The following RPL3 variants were observed in gnomAD, a reference collection of about 807,000 sequenced individuals.
The protein encoded by RPL3 is large ribosomal subunit protein uL3.
RPL3 carries 3 observed loss-of-function variants against 46.0 expected under a neutral mutation model. That is an observed-to-expected ratio of 0.07 (90% CI 0.03 to 0.17). The LOEUF (loss-of-function observed/expected upper bound fraction) is 0.17. RPL3 is among the 10% of genes least tolerant of loss of function. The probability of loss-of-function intolerance (pLI) is 1.00; values close to 1 mark genes in which losing one functional copy is unlikely to be tolerated. For missense variants in RPL3, 387 were observed against 532.7 expected, an observed-to-expected ratio of 0.73 and a Z score of 2.69; for synonymous variants, 224 against 190.8, an observed-to-expected ratio of 1.17 and a Z score of -1.43.
At position 39,318,609 on chromosome 22, in the gene RPL3, T is replaced by C; in HGVS notation, c.4-17A>G. On this transcript the variant is annotated splice_polypyrimidine_tract_variant and intron_variant, in intron 1 of 9. Coordinates refer to ENST00000216146, the MANE Select transcript of RPL3 (RefSeq NM_000967.4). ...TCTGTGAGACTAGGTGGGAAAAAAA[T>C]CACCGTCAGCACCCAAACCAAAGCA... 6.3e-7 allele frequency: 1 copy of C among 1,591,810 alleles called. No individual in the cohort carries two copies. The highest frequency in any genetic ancestry group is 8.6e-7 in the Non-Finnish European group (1 of 1,169,058).
rs1922629054 is a variant in RPL3 at position 39,315,491 on chromosome 22, G to A, written c.566C>T (p.Thr189Ile). ...HLMEIQVNGG[T>I]VAEKLDWARE... ...GGCCCAGTCCAGCTTCTCGGCCACA[G>A]TGCCTCCGTTCACCTGGATCTCCAT... Residue 189 changes from threonine (T) to isoleucine (I), a missense_variant, in exon 5 of 10, where the codon ACT becomes ATT. By Grantham distance (89) the Thr-to-Ile change is moderately conservative (BLOSUM62 -1). Coordinates refer to ENST00000216146, the MANE Select transcript of RPL3 (RefSeq NM_000967.4). The A allele has an allele frequency of 6.2e-7, 1 of 1,614,006 alleles. No individual in the cohort carries two copies. Among genetic ancestry groups the A allele is most frequent in the South Asian group, 1.1e-5 (1 of 91,086 alleles).
chr22:39,315,692 A>G (rs1383369638), intron 4 of RPL3, 137 bp from the exon 5 acceptor site: 6 of 985,154 alleles, frequency 6.1e-6, no homozygotes, highest in Non-Finnish European at 8.9e-6. Context: ...ACTGAACCTC[A>G]CCAAGAGGAA....
Position 39,314,913 on chromosome 22 carries a change from A to G in RPL3, c.689-67T>C. On this transcript the variant is annotated intron_variant, in intron 5 of 9. Coordinates refer to ENST00000216146, the MANE Select transcript of RPL3 (RefSeq NM_000967.4). ...TCCCACTGACCCCTTCCTGCTACTC[A>G]GCAATTACCAACCATGGCTGGGTCA... 1.9e-6 allele frequency: 3 copies of G among 1,574,172 alleles called. No homozygotes were observed. In the South Asian group the frequency reaches 3.4e-5, roughly 18 times the overall value.
intron 6 of RPL3, 92 bp from the exon 7 acceptor site, chr22:39,314,300 A>G (rs965932235): frequency 9.1e-5 from 99 of 1,091,338 alleles, no homozygotes; most frequent in Non-Finnish European, 1.3e-4. Flanking sequence ...GCTAGAAGGC[A>G]GCTGAGGCCT....
At chr22:39,313,836 G>A (rs1165503469) in intron 7 of RPL3, 107 bp from the exon 8 acceptor site, 1 of 1,074,988 alleles carries the variant, frequency 9.3e-7, no homozygotes, top group Admixed American at 1.7e-5. Context: ...TCAGAAGGAA[G>A]GCAACAAGGA....
rs936506571 is a variant in RPL3 at position 39,317,605 on chromosome 22, T to A, written c.221A>T (p.Glu74Val). The A allele has an allele frequency of 1.2e-6, 2 of 1,613,674 alleles. No homozygotes were observed. Among genetic ancestry groups the A allele is most frequent in the African/African-American group, 2.7e-5 (2 of 74,888 alleles). ...GSKVNKKEVVEAVTIVETPPM... is the reference protein window; with the variant it reads ...GSKVNKKEVVVAVTIVETPPM... ...TGGTGTCTCTACAATGGTCACAGCCTCCACCACCTCCTTCTTGTTCACCTC... is the reference window on the plus strand; with the variant it reads ...TGGTGTCTCTACAATGGTCACAGCCACCACCACCTCCTTCTTGTTCACCTC... The change falls in exon 3 of 10, where the codon GAG (glutamate) becomes GTG (valine). Residue 74 changes from glutamate to valine, a missense_variant. By Grantham distance (121) the Glu-to-Val change is moderately radical. Around this residue, in one of 5 missense-constraint regions of RPL3, gnomAD observed 196 missense variants for 217.5 expected, o/e 0.90. Coordinates refer to ENST00000216146, the MANE Select transcript of RPL3 (RefSeq NM_000967.4).
chr22:39,316,293 C>A (rs1451649244), intron 4 of RPL3, among the ~76,000 whole-genome samples: 1 of 151,626 alleles, frequency 6.6e-6, no homozygotes, highest in Non-Finnish European at 1.5e-5. Flanking sequence ...GACAGCCTGG[C>A]AATGTCCTGA....
Position 39,314,673 on chromosome 22 carries a change from C to T in RPL3, c.849+13G>A. 1.2e-6 allele frequency: 2 copies of T among 1,607,558 alleles called. No homozygotes were observed. The highest frequency in any genetic ancestry group is 1.7e-6 in the Non-Finnish European group (2 of 1,176,332). On this transcript the variant is annotated intron_variant, in intron 6 of 9. Coordinates refer to ENST00000216146, the MANE Select transcript of RPL3 (RefSeq NM_000967.4). ...CTCTTCCCACCCCCAGGGAGCCACT[C>T]TCAGAACCTCACCTTCTTGTTGATC...
At chr22:39,317,726 G>A (rs1225669142) in intron 2 of RPL3, 97 bp from the exon 3 acceptor site, 6 of 1,409,458 alleles carry the variant, frequency 4.3e-6, no homozygotes, top group Non-Finnish European at 5.9e-6. Flanking sequence ...GGCCGGAAGG[G>A]CAACTGGGCC....
chr22:39,315,244 G>C lies in RPL3; in HGVS notation c.688+125C>G, dbSNP rs1442871408. 17 of 1,325,762 alleles carry C rather than the reference G, an allele frequency of 1.3e-5. No homozygotes were observed. The African/African-American group carries it at 1.9e-4, about 15-fold the overall frequency. The allele number at this position is 1,325,762 out of a possible 1,614,324, so 82.1% of individuals were successfully genotyped here. ...CTCAGAAGGAAGGCAGTAGAGAATG[G>C]TTCTACACTGTCCGATTCGGGCGCT... On this transcript the variant is annotated intron_variant, in intron 5 of 9. Coordinates refer to ENST00000216146, the MANE Select transcript of RPL3 (RefSeq NM_000967.4).
At chr22:39,318,367 T>TGA in intron 2 of RPL3, 33 bp downstream of exon 2, 2 of 1,602,112 alleles carry the variant, frequency 1.2e-6, no homozygotes, top group Non-Finnish European at 1.7e-6. Flanking sequence ...CCTCCACTCC[T>TGA]ATTCCCCCAA....
intron 8 of RPL3, 84 bp downstream of exon 8, chr22:39,313,550 T>C: frequency 1.4e-6 from 2 of 1,393,242 alleles, no homozygotes; most frequent in Non-Finnish European, 2.0e-6. Context: ...TCCTTTCCTC[T>C]CCCACCACAG....
At chr22:39,318,704 C>CA in intron 1 of RPL3, 112 bp from the exon 2 acceptor site, 1 of 873,546 alleles carries the variant, frequency 1.1e-6, no homozygotes, top group Non-Finnish European at 1.7e-6. Flanking sequence ...CCTGACCAGA[C>CA]ACCCAGCAAG....
At chr22:39,313,010 A>T (rs766232107) in intron 9 of RPL3, 26 bp from the exon 10 acceptor site, 1 of 1,614,008 alleles carries the variant, frequency 6.2e-7, no homozygotes, top group South Asian at 1.1e-5. Context: ...CAGTGGTCAG[A>T]GGTAGAAGAT....
chr22:39,317,777 C>A, intron 2 of RPL3, 148 bp from the exon 3 acceptor site: 1 of 783,852 alleles, frequency 1.3e-6, no homozygotes, highest in South Asian at 1.8e-5. Flanking sequence ...TCCTTACTGC[C>A]TATCTCTCAT....
At chr22:39,313,883 GC>G (rs1569159363) in intron 7 of RPL3, 154 bp from the exon 8 acceptor site, 1 of 872,102 alleles carries the variant, frequency 1.1e-6, no homozygotes, top group Admixed American at 1.7e-5. Context: ...TGTGCCCAGC[GC>G]ACATTCCAGG....
Position 39,313,310 on chromosome 22 carries a change from A to T in RPL3, c.1048T>A (p.Ser350Thr). 1 of 1,614,004 alleles carries T rather than the reference A, an allele frequency of 6.2e-7. No homozygotes were observed. Residue 350 changes from serine (S) to threonine (T), a missense_variant and splice_region_variant, in exon 9 of 10, where the codon TCC (serine) becomes ACC (threonine). Transcript: ENST00000216146. ...CGCCGCTTCGTCTGCACCAGCAAGGACTATGGGCCAAGAGGGGAAGGGATT... is the reference window on the plus strand; with the variant it reads ...CGCCGCTTCGTCTGCACCAGCAAGGTCTATGGGCCAAGAGGGGAAGGGATT... ...TKKRVLTLRK[S>T]LLVQTKRRAL...
intron 6 of RPL3, 159 bp from the exon 7 acceptor site, chr22:39,314,367 G>C: frequency 1.5e-6 from 1 of 677,776 alleles, no homozygotes. Context: ...GGCCCTCCAG[G>C]TTCCTTTCTG....
chr22:39,313,479 G>T, intron 8 of RPL3, 155 bp downstream of exon 8: 1 of 1,281,476 alleles, frequency 7.8e-7, no homozygotes, highest in East Asian at 2.3e-5. Flanking sequence ...AGGCCAGACT[G>T]GGAATTTCCT....
Sources: gnomAD v4.1 joint callset for allele counts (sites outside exome capture counted in the v4.1 genomes callset) on GRCh38, gnomAD v4.1.1 for gene constraint, gnomAD v4.1.1 regional missense constraint, MANE v1.5 for transcripts, NCBI Gene and HGNC (gene_info 2026-07-23, HGNC 2026-07-21) for gene names.